Variants in PTPN4 observed in about 807,000 individuals in gnomAD.
PTPN4 encodes protein tyrosine phosphatase non-receptor type 4, also known as tyrosine-protein phosphatase non-receptor type 4.
Under a neutral mutation model 135.5 loss-of-function variants are expected in PTPN4, and 49 were observed. That is an observed-to-expected ratio of 0.36 (90% CI 0.29 to 0.46). PTPN4 has a LOEUF of 0.46. Among genes scored for constraint, PTPN4 ranks in the 20% least tolerant of loss-of-function variants. The pLI is 1.00. For synonymous variants in PTPN4, 333 were observed against 369.9 expected (o/e 0.90, Z 1.14); for missense variants, 860 against 1,101.0 (o/e 0.78, Z 3.10).
Position 119,920,159 on chromosome 2 carries a change from T to C in PTPN4, c.919T>C (p.Phe307Leu). 6.2e-7 allele frequency: 1 copy of C among 1,613,672 alleles called. No homozygotes were observed. Among genetic ancestry groups the C allele is most frequent in the Non-Finnish European group, 8.5e-7 (1 of 1,179,818 alleles). Reference sequence around the variant, plus strand: ...GAAAGCATGTGTAGAACATCACACATTCTTCCGTTTGGACAGACCACTTCC... The same window carrying C: ...GAAAGCATGTGTAGAACATCACACACTCTTCCGTTTGGACAGACCACTTCC... ...LWKACVEHHT[F>L]FRLDRPLPPQ... Residue 307 changes from phenylalanine (F) to leucine (L), a missense_variant, in exon 12 of 27, where the codon TTC becomes CTC. By Grantham distance (22) the Phe-to-Leu change is conservative. Coordinates refer to ENST00000263708, the MANE Select transcript of PTPN4 (RefSeq NM_002830.4).
intron 2 of PTPN4, among the ~76,000 whole-genome samples, chr2:119,838,912 A>C (rs959828553): frequency 2.6e-5 from 4 of 152,224 alleles, no homozygotes; most frequent in Admixed American, 2.6e-4. Context: ...ATATGTTAGA[A>C]TTCTGGCCAC....
At position 119,977,288 on chromosome 2, in the gene PTPN4, C is replaced by T. The variant is rs964754592; in HGVS notation, c.*218C>T. ...TTGAAGACTGTTTCATGCTTTGCTC[C>T]GAACAAATAGTAAATAACTGAGTAT... On this transcript the variant is annotated 3_prime_UTR_variant, in exon 27 of 27. Transcript: ENST00000263708. 3.1e-5 allele frequency: 22 copies of T among 704,298 alleles called. No homozygotes were observed. The highest frequency in any genetic ancestry group is 7.5e-5 in the African/African-American group (4 of 53,032). The allele number at this position is 704,298 out of a possible 1,614,324, so 43.6% of individuals were successfully genotyped here.
At chr2:119,894,059 A>G (rs2105010546) in intron 9 of PTPN4, among the ~76,000 whole-genome samples, 1 of 152,318 alleles carries the variant, frequency 6.6e-6, no homozygotes, top group Non-Finnish European at 1.5e-5. Context: ...TCCTTACAAC[A>G]GCCTTGTGAG....
chr2:119,885,331 C>T (rs1437432713), intron 8 of PTPN4, among the ~76,000 whole-genome samples: 1 of 152,108 alleles, frequency 6.6e-6, no homozygotes, highest in African/African-American at 2.4e-5. Flanking sequence ...GATTGCTATA[C>T]AAGCCTCCAA....
intron 25 of PTPN4, among the ~76,000 whole-genome samples, chr2:119,965,889 C>T (rs904683169): frequency 6.6e-6 from 1 of 152,158 alleles, no homozygotes; most frequent in Non-Finnish European, 1.5e-5. Flanking sequence ...TATTTTAACA[C>T]CTCTGAAATT....
chr2:119,811,771 A>G (rs1479320843), intron 2 of PTPN4, among the ~76,000 whole-genome samples: 2 of 152,142 alleles, frequency 1.3e-5, no homozygotes, highest in African/African-American at 4.8e-5. Context: ...TTTCTCAGCT[A>G]GCATAATTTT....
chr2:119,905,482 T>C (rs1678473766), intron 10 of PTPN4, among the ~76,000 whole-genome samples: 1 of 152,138 alleles, frequency 6.6e-6, no homozygotes, highest in Admixed American at 6.5e-5. Flanking sequence ...ATGAAGTAAA[T>C]ATTGTTAAAG....
intron 1 of PTPN4, among the ~76,000 whole-genome samples, chr2:119,776,997 A>G (rs1404807611): frequency 1.3e-5 from 2 of 152,162 alleles, no homozygotes; most frequent in Non-Finnish European, 2.9e-5. Flanking sequence ...CTTTTGCTCA[A>G]AATCCTTTAA....
intron 2 of PTPN4, among the ~76,000 whole-genome samples, chr2:119,834,933 A>AT (rs1677269271): frequency 6.6e-6 from 1 of 152,208 alleles, no homozygotes; most frequent in Admixed American, 6.5e-5. Context: ...CATTAGATAT[A>AT]ACTCTTACTT....
chr2:119,847,275 T>TATATACACACAC (rs1553451350), intron 2 of PTPN4, among the ~76,000 whole-genome samples: 16 of 107,526 alleles, frequency 1.5e-4, no homozygotes, highest in African/African-American at 5.4e-4. Flanking sequence ...ATACTCTATA[T>TATATACACACAC]ACACACACAC....
In PTPN4 at chr2:119,891,346, G is replaced by A. The variant is rs553602588; in HGVS notation, c.675+5464G>A. ...TTGTTTGTTTGTTTGTTTTTGAGAC[G>A]GAGTCTTGCTCTGTTGCCCAGGTTG... is the stretch of plus-strand genomic sequence containing the variant. On this transcript the variant is annotated intron_variant, in intron 9 of 26. Transcript: ENST00000263708. Among the ~76,000 whole-genome samples the A allele has an allele frequency of 1.0e-3, 159 of 152,102 alleles. 1 individual carries two copies. Among genetic ancestry groups the A allele is most frequent in the Middle Eastern group, 3.4e-3 (1 of 294 alleles).
chr2:119,975,733 T>C (rs1679605539), intron 26 of PTPN4, among the ~76,000 whole-genome samples: 1 of 151,886 alleles, frequency 6.6e-6, no homozygotes, highest in Non-Finnish European at 1.5e-5. Flanking sequence ...TAAAAAAAAA[T>C]GTCCCTTCAA....
chr2:119,970,450 C>A (rs1013348921), intron 26 of PTPN4, among the ~76,000 whole-genome samples: 36 of 151,868 alleles, frequency 2.4e-4, no homozygotes, highest in Non-Finnish European at 4.4e-4. Flanking sequence ...TCCCCTCATA[C>A]CCTCTCTAAC....
intron 2 of PTPN4, among the ~76,000 whole-genome samples, chr2:119,838,063 GT>G (rs1677322652): frequency 6.6e-6 from 1 of 152,234 alleles, no homozygotes; most frequent in Non-Finnish European, 1.5e-5. Flanking sequence ...CAGGAAGGCC[GT>G]TTAATTCAGA....
At chr2:119,933,600 G>A (rs1299136412) in intron 14 of PTPN4, among the ~76,000 whole-genome samples, 3 of 151,132 alleles carry the variant, frequency 2.0e-5, no homozygotes, top group East Asian at 1.9e-4. Flanking sequence ...AGGAGGAAGA[G>A]GTTGCAGAGT....
intron 1 of PTPN4, among the ~76,000 whole-genome samples, chr2:119,774,248 A>G (rs934482565): frequency 1.4e-4 from 21 of 152,232 alleles, no homozygotes; most frequent in South Asian, 2.1e-4. Context: ...TCCCAAGGAG[A>G]GAAATGTCAC....
At chr2:119,900,595 G>A (rs1326313611) in intron 9 of PTPN4, 123 bp from the exon 10 acceptor site, 14 of 512,510 alleles carry the variant, frequency 2.7e-5, no homozygotes, top group East Asian at 1.4e-4. Flanking sequence ...ATTAGTATTC[G>A]GTTCTTTGCA....
At chr2:119,850,243 G>A (rs537341387) in intron 2 of PTPN4, among the ~76,000 whole-genome samples, 2 of 152,298 alleles carry the variant, frequency 1.3e-5, no homozygotes, top group South Asian at 2.1e-4. Flanking sequence ...GACAGTGTTC[G>A]GCTTCTCTTG....
rs2104911590 is a variant in PTPN4 at position 119,760,192 on chromosome 2, G to A, written c.-210G>A. 2 of 395,104 alleles carry A rather than the reference G, an allele frequency of 5.1e-6. No individual in the cohort carries two copies. The highest frequency in any genetic ancestry group is 4.4e-5 in the Admixed American group (1 of 22,606). 24.5% of individuals were successfully genotyped at this position (395,104 alleles called of 1,614,324 possible). A position where few individuals can be genotyped will look rare whatever the true frequency, so the allele number is the denominator to read the frequency against. ...TCCCTGCCACCTCCCCAGCGGCGCC[G>A]GCCCGCGGCTGCCCAGCAGCATGAG... is the stretch of plus-strand genomic sequence containing the variant. On this transcript the variant is annotated 5_prime_UTR_variant, in exon 1 of 27. Transcript: ENST00000263708.
Sources: allele counts gnomAD v4.1 joint callset (sites outside exome capture counted in the v4.1 genomes callset), GRCh38; gene constraint gnomAD v4.1.1; transcripts MANE v1.5; gene names NCBI Gene and HGNC (gene_info 2026-07-23, HGNC 2026-07-21).